The following ANKRD31 variants were observed in gnomAD, a reference collection of about 807,000 sequenced individuals.
The protein encoded by ANKRD31 is ankyrin repeat domain 31, also known as ankyrin repeat domain-containing protein 31.
ANKRD31 carries 147 observed loss-of-function variants against 186.0 expected under a neutral mutation model. That is an observed-to-expected ratio of 0.79 (90% confidence interval 0.69 to 0.91). ANKRD31 has a LOEUF of 0.91. Among genes scored for constraint, ANKRD31 ranks in the 40% least tolerant of loss-of-function variants. The pLI is 0.00. For synonymous variants in ANKRD31, 673 were observed against 736.4 expected (o/e 0.91, Z 1.39); for missense variants, 1,986 against 2,148.8 (o/e 0.92, Z 1.50).
chr5:75,142,578 CTTAGT>C (rs1751125217), intron 15 of ANKRD31, among the ~76,000 whole-genome samples: 1 of 152,030 alleles, frequency 6.6e-6, no homozygotes, highest in African/African-American at 2.4e-5. Flanking sequence ...CTTTGGTCTG[CTTAGT>C]TTACTTTGAT....
At chr5:75,122,954 GA>G (rs2150092587) in intron 17 of ANKRD31, among the ~76,000 whole-genome samples, 1 of 152,096 alleles carries the variant, frequency 6.6e-6, no homozygotes, top group East Asian at 1.9e-4. Context: ...GCAAAAGAAA[GA>G]AAGAAAAGGC....
intron 10 of ANKRD31, among the ~76,000 whole-genome samples, chr5:75,176,350 T>G (rs1276307760): frequency 6.6e-6 from 1 of 152,188 alleles, no homozygotes; most frequent in Admixed American, 6.5e-5. Flanking sequence ...CTCTGCAGAC[T>G]TAAATGTCCC....
Position 75,195,937 on chromosome 5 carries a change from T to C in ANKRD31, c.711A>G (p.Glu237=). 2 of 1,534,826 alleles carry C rather than the reference T, an allele frequency of 1.3e-6. No individual in the cohort carries two copies. Among genetic ancestry groups the C allele is most frequent in the Non-Finnish European group, 1.7e-6 (2 of 1,145,538 alleles). Residue 237 remains glutamate, a synonymous_variant, in exon 7 of 26, where the codon GAA becomes GAG. Transcript: ENST00000506364. ...AATCACTTACTAATTCAAACAATCT[T>C]TCCTCCTGGGTGCTTTCTGGTGATG... ...LLTSPESTQE[E]RLFELVSDFD...
At chr5:75,116,087 G>T (rs1289948771) in intron 19 of ANKRD31, among the ~76,000 whole-genome samples, 10 of 151,190 alleles carry the variant, frequency 6.6e-5, no homozygotes, top group East Asian at 5.9e-4. Flanking sequence ...CCATAAAAAA[G>T]GATGAGTTCA....
At chr5:75,227,608 C>T (rs1461046309) in intron 2 of ANKRD31, among the ~76,000 whole-genome samples, 1 of 152,072 alleles carries the variant, frequency 6.6e-6, no homozygotes, top group African/African-American at 2.4e-5. Context: ...TCCGTAACTC[C>T]ATTTTTACAG....
At chr5:75,204,557 C>T (rs1756026292) in intron 5 of ANKRD31, among the ~76,000 whole-genome samples, 1 of 152,110 alleles carries the variant, frequency 6.6e-6, no homozygotes, top group African/African-American at 2.4e-5. Context: ...TTATTCCTGC[C>T]ATTTAGTATC....
At chr5:75,111,018 G>C (rs1020265893) in intron 20 of ANKRD31, among the ~76,000 whole-genome samples, 2 of 151,132 alleles carry the variant, frequency 1.3e-5, no homozygotes, top group Non-Finnish European at 3.0e-5. Flanking sequence ...ACATATTGTA[G>C]AACAGCAAAA....
chr5:75,217,518 C>G (rs925294566), intron 3 of ANKRD31, among the ~76,000 whole-genome samples: 1 of 152,134 alleles, frequency 6.6e-6, no homozygotes, highest in African/African-American at 2.4e-5. Context: ...GAATGCCCCT[C>G]TTTGTCTTTT....
chr5:75,132,892 A>T (rs1448453256), intron 17 of ANKRD31, among the ~76,000 whole-genome samples: 1 of 152,188 alleles, frequency 6.6e-6, no homozygotes, highest in Non-Finnish European at 1.5e-5. Context: ...TCAACCCAGA[A>T]TTTCATATCC....
chr5:75,103,345 A>C (rs1240135118), intron 22 of ANKRD31, among the ~76,000 whole-genome samples: 1 of 152,218 alleles, frequency 6.6e-6, no homozygotes, highest in Non-Finnish European at 1.5e-5. Context: ...AAAGTCAAGA[A>C]ACAACTGATG....
chr5:75,224,161 G>A (rs112413794), intron 2 of ANKRD31, among the ~76,000 whole-genome samples: 5,068 of 34,488 alleles, frequency 0.15, 272 homozygotes, highest in African/African-American at 0.36. Flanking sequence ...ATATATATAT[G>A]TATATATATA....
chr5:75,193,706 C>A (rs923472141), intron 7 of ANKRD31, 115 bp from the exon 8 acceptor site: 3 of 901,820 alleles, frequency 3.3e-6, no homozygotes, highest in Non-Finnish European at 4.9e-6. Context: ...ATTATAGGAT[C>A]CAAGTACAAG....
At chr5:75,169,210 G>A in intron 10 of ANKRD31, 89 bp from the exon 11 acceptor site, 1 of 1,402,212 alleles carries the variant, frequency 7.1e-7, no homozygotes, top group Non-Finnish European at 9.5e-7. Context: ...TTGATTCTAA[G>A]TTCTTTCTTC....
At chr5:75,137,627 T>C (rs1750696717) in intron 17 of ANKRD31, among the ~76,000 whole-genome samples, 1 of 152,186 alleles carries the variant, frequency 6.6e-6, no homozygotes, top group South Asian at 2.1e-4. Flanking sequence ...TACTCTCTTC[T>C]GACTTGCATG....
At chr5:75,181,635 C>CA (rs551891573) in intron 10 of ANKRD31, among the ~76,000 whole-genome samples, 3,644 of 148,160 alleles carry the variant, frequency 0.025, 61 homozygotes, top group African/African-American at 0.054. Context: ...ATCGCAAGGA[C>CA]AAAAAACCAA....
chr5:75,096,974 T>C (rs921864335), intron 22 of ANKRD31, among the ~76,000 whole-genome samples: 1 of 152,216 alleles, frequency 6.6e-6, no homozygotes, highest in Non-Finnish European at 1.5e-5. Flanking sequence ...TCCATGTCCC[T>C]ACAAAGGACA....
intron 23 of ANKRD31, among the ~76,000 whole-genome samples, chr5:75,086,898 C>T (rs1745533334): frequency 6.6e-6 from 1 of 152,080 alleles, no homozygotes; most frequent in African/African-American, 2.4e-5. Flanking sequence ...CATGTGCATA[C>T]ACACACACAT....
chr5:75,134,230 G>A lies in ANKRD31; in HGVS notation c.3876+3626C>T, dbSNP rs183900640. Among the ~76,000 whole-genome samples the A allele has an allele frequency of 2.0e-4, 30 of 152,170 alleles. 1 individual carries two copies. In the East Asian group the frequency reaches 5.6e-3, roughly 28 times the overall value. On this transcript the variant is annotated intron_variant, in intron 17 of 25. Transcript: ENST00000506364. ...AAAATATTAATGAATCCAGGAGCTGGTTTTTTGAAAGCATCAACAAAATTG... is the reference window on the plus strand; with the variant it reads ...AAAATATTAATGAATCCAGGAGCTGATTTTTTGAAAGCATCAACAAAATTG...
At chr5:75,193,219 T>A (rs962257905) in intron 8 of ANKRD31, 92 bp downstream of exon 8, 6 of 1,347,180 alleles carry the variant, frequency 4.5e-6, no homozygotes, top group Non-Finnish European at 4.9e-6. Context: ...TCCCCTGTGT[T>A]AACTGTATAC....
Sources: gnomAD v4.1 joint callset for allele counts (sites outside exome capture counted in the v4.1 genomes callset) on GRCh38, gnomAD v4.1.1 for gene constraint, MANE v1.5 for transcripts, NCBI Gene and HGNC (gene_info 2026-07-23, HGNC 2026-07-21) for gene names.